PDE4D: variants seen among roughly 807,000 people sequenced by gnomAD.
PDE4D encodes the protein phosphodiesterase 4D.
In PDE4D, 24 loss-of-function variants were observed where a neutral mutation model predicts 87.4. The observed-to-expected ratio is 0.27, with a 90% CI of 0.20 to 0.39. PDE4D has a LOEUF of 0.39. Ranked by LOEUF, PDE4D falls within the 10% of genes least tolerant of loss-of-function variation. The pLI is 1.00. For synonymous variants in PDE4D, 384 were observed against 383.2 expected (o/e 1.00, Z -0.02); for missense variants, 714 against 1,041.0 (o/e 0.69, Z 4.32).
At chr5:59,196,976 A>G (rs925685004) in intron 2 of PDE4D, among the ~76,000 whole-genome samples, 12 of 152,172 alleles carry the variant, frequency 7.9e-5, no homozygotes, top group Non-Finnish European at 1.6e-4. Flanking sequence ...CAGTTCAGAT[A>G]ACCAAAATTA....
At position 60,086,427 on chromosome 5, in the gene PDE4D, T is replaced by C. The variant is rs144071951; in HGVS notation, c.43-97710A>G. On this transcript the variant is annotated intron_variant, in intron 2 of 16. Coordinates refer to the PDE4D transcript ENST00000502484. ...TTTTTATATTTAAGCATCAGTATTC[T>C]AGCCTTTCTAGTGACTAAACAAACT... 2.2e-4 allele frequency among the ~76,000 whole-genome samples: 34 copies of C among 152,338 alleles called. No homozygotes were observed. In the East Asian group the frequency reaches 5.8e-3, roughly 26 times the overall value.
At chr5:59,936,872 T>G (rs1461938142) in intron 3 of PDE4D, among the ~76,000 whole-genome samples, 1 of 152,184 alleles carries the variant, frequency 6.6e-6, no homozygotes, top group African/African-American at 2.4e-5. Context: ...AAGAATGGCT[T>G]AGAAAAAACA....
intron 5 of PDE4D, among the ~76,000 whole-genome samples, chr5:59,050,589 T>C (rs1761394267): frequency 6.6e-6 from 1 of 152,228 alleles, no homozygotes; most frequent in Non-Finnish European, 1.5e-5. Context: ...TTTACAAGAA[T>C]ATCTATGGAG....
chr5:59,034,321 T>G (rs561248105), intron 6 of PDE4D, among the ~76,000 whole-genome samples: 9 of 152,170 alleles, frequency 5.9e-5, no homozygotes, highest in Non-Finnish European at 1.2e-4. Flanking sequence ...AATCTAAGAT[T>G]TAATATGTTA....
intron 2 of PDE4D, among the ~76,000 whole-genome samples, chr5:60,047,399 C>A (rs1019180071): frequency 2.6e-5 from 4 of 152,014 alleles, no homozygotes; most frequent in Admixed American, 6.6e-5. Context: ...TTATTTCTTG[C>A]CTTCTGCTAG....
At chr5:60,220,074 C>T (rs1320212274) in intron 1 of PDE4D, among the ~76,000 whole-genome samples, 1 of 152,102 alleles carries the variant, frequency 6.6e-6, no homozygotes, top group African/African-American at 2.4e-5. Context: ...TATATCATAT[C>T]ATCAGCAATC....
intron 1 of PDE4D, among the ~76,000 whole-genome samples, chr5:60,425,573 A>G (rs941425419): frequency 1.3e-3 from 158 of 125,934 alleles, no homozygotes; most frequent in Middle Eastern, 4.0e-3. Context: ...ATAAAACCAT[A>G]AAAACCCTAG....
intron 5 of PDE4D, among the ~76,000 whole-genome samples, chr5:59,046,006 A>G (rs1760571170): frequency 6.6e-6 from 1 of 152,222 alleles, no homozygotes; most frequent in Non-Finnish European, 1.5e-5. Context: ...GCCCAATGTG[A>G]CTTGAAAGGG....
intron 1 of PDE4D, among the ~76,000 whole-genome samples, chr5:59,840,098 C>T (rs1419458685): frequency 6.6e-6 from 1 of 151,918 alleles, no homozygotes; most frequent in African/African-American, 2.4e-5. Flanking sequence ...TCATTCTACC[C>T]AGGGCCTTTC....
intron 1 of PDE4D, among the ~76,000 whole-genome samples, chr5:59,681,860 C>T (rs1435200124): frequency 1.4e-5 from 2 of 142,510 alleles, no homozygotes; most frequent in East Asian, 4.2e-4. Context: ...GAGGCGGAGT[C>T]ACTGCACTCC....
At chr5:59,759,757 T>A (rs1477688498) in intron 1 of PDE4D, among the ~76,000 whole-genome samples, 1 of 152,134 alleles carries the variant, frequency 6.6e-6, no homozygotes, top group Non-Finnish European at 1.5e-5. Flanking sequence ...CAGCAGCACT[T>A]CCTGGTGTGC....
chr5:59,493,524 T>C (rs568421004), intron 1 of PDE4D, among the ~76,000 whole-genome samples: 1 of 152,362 alleles, frequency 6.6e-6, no homozygotes, highest in East Asian at 1.9e-4. Context: ...GTTCTCATTT[T>C]TCCCATCTAC....
intron 5 of PDE4D, among the ~76,000 whole-genome samples, chr5:59,059,593 TC>T (rs1762840804): frequency 6.6e-6 from 1 of 152,190 alleles, no homozygotes; most frequent in African/African-American, 2.4e-5. Flanking sequence ...TATCAGTTTT[TC>T]CTTTCCCAAA....
intron 3 of PDE4D, among the ~76,000 whole-genome samples, chr5:59,190,938 C>T (rs918352592): frequency 2.0e-5 from 3 of 152,048 alleles, no homozygotes; most frequent in Non-Finnish European, 4.4e-5. Flanking sequence ...TAAAAAAAAT[C>T]GGCAGCCTCT....
intron 2 of PDE4D, among the ~76,000 whole-genome samples, chr5:60,014,777 G>C (rs2152847505): frequency 6.6e-6 from 1 of 152,298 alleles, no homozygotes; most frequent in Non-Finnish European, 1.5e-5. Context: ...ATGAAAAGAA[G>C]ATTTTAGGCC....
intron 1 of PDE4D, among the ~76,000 whole-genome samples, chr5:60,377,420 A>G (rs572159792): frequency 6.6e-6 from 1 of 152,354 alleles, no homozygotes; most frequent in Middle Eastern, 3.4e-3. Context: ...GGATTGTTCT[A>G]CTTTAACCAC....
chr5:59,494,366 T>C (rs1323644178), intron 1 of PDE4D, among the ~76,000 whole-genome samples: 1 of 152,188 alleles, frequency 6.6e-6, no homozygotes, highest in Non-Finnish European at 1.5e-5. Flanking sequence ...AGACTAGAAT[T>C]AGGATACAAA....
intron 5 of PDE4D, among the ~76,000 whole-genome samples, chr5:59,133,475 C>A (rs916372942): frequency 2.0e-5 from 3 of 152,130 alleles, no homozygotes; most frequent in Non-Finnish European, 4.4e-5. Flanking sequence ...ACTCAAGCAA[C>A]AGAAGACACA....
At chr5:60,093,621 A>T (rs1184423607) in intron 2 of PDE4D, among the ~76,000 whole-genome samples, 1 of 152,172 alleles carries the variant, frequency 6.6e-6, no homozygotes, top group Non-Finnish European at 1.5e-5. Context: ...TTAGGACTAG[A>T]GAGTAGGAAA....
Sources: allele counts gnomAD v4.1 joint callset (sites outside exome capture counted in the v4.1 genomes callset), GRCh38; gene constraint gnomAD v4.1.1; transcripts MANE v1.5; gene names NCBI Gene and HGNC (gene_info 2026-07-23, HGNC 2026-07-21).